KHDRBS2: variants seen among roughly 807,000 people sequenced by gnomAD.
KHDRBS2 encodes KH RNA binding domain containing, signal transduction associated 2, also known as KH domain-containing, RNA-binding, signal transduction-associated protein 2.
KHDRBS2 carries 26 observed loss-of-function variants against 44.3 expected under a neutral mutation model. The ratio of observed to expected loss-of-function variants is 0.59; its 90% CI spans 0.43 to 0.81. The LOEUF is 0.81. KHDRBS2 is among the 40% of genes least tolerant of loss of function. KHDRBS2 has a pLI of 0.00. For synonymous variants in KHDRBS2, 194 were observed against 151.1 expected, an observed-to-expected ratio of 1.28 and a Z score of -2.08; for missense variants, 476 against 433.1, an observed-to-expected ratio of 1.10 and a Z score of -0.88.
the KHDRBS2 span, among the ~76,000 whole-genome samples, chr6:61,595,389 C>T: frequency 0.54 from 82,630 of 151,814 alleles, 22,937 homozygotes; most frequent in Non-Finnish European, 0.61. Context: ...TTAGAAATTC[C>T]CTTTCCCTAA....
chr6:62,145,725 C>G (rs1584943123), intron 2 of KHDRBS2, among the ~76,000 whole-genome samples: 2 of 151,916 alleles, frequency 1.3e-5, no homozygotes, highest in East Asian at 3.9e-4. Context: ...ACAGATGGAG[C>G]ATCTGTGAAT....
chr6:61,548,161 A>T, the KHDRBS2 span, among the ~76,000 whole-genome samples: 1 of 152,172 alleles, frequency 6.6e-6, no homozygotes, highest in South Asian at 2.1e-4. Flanking sequence ...GGATTCTGAA[A>T]ATACATAGAA....
chr6:61,853,216 G>T (rs1795705582), intron 6 of KHDRBS2, among the ~76,000 whole-genome samples: 1 of 152,118 alleles, frequency 6.6e-6, no homozygotes, highest in African/African-American at 2.4e-5. Flanking sequence ...GTTTCAGTGA[G>T]TTTTTGCTTA....
chr6:61,865,297 A>C (rs1195757199), intron 6 of KHDRBS2, among the ~76,000 whole-genome samples: 1 of 152,182 alleles, frequency 6.6e-6, no homozygotes, highest in East Asian at 1.9e-4. Flanking sequence ...TCTGAAAAAG[A>C]TATACTAGAG....
At chr6:61,557,299 C>T in the KHDRBS2 span, among the ~76,000 whole-genome samples, 85 of 152,176 alleles carry the variant, frequency 5.6e-4, no homozygotes, top group Non-Finnish European at 1.1e-3. Context: ...AGTATAATAG[C>T]ATAAAGTTCC....
chr6:61,665,555 C>A, the KHDRBS2 span, among the ~76,000 whole-genome samples: 1 of 150,804 alleles, frequency 6.6e-6, no homozygotes, highest in Non-Finnish European at 1.5e-5. Context: ...ACTGTGTAAT[C>A]AATAAAATTA....
chr6:62,260,806 G>GT (rs554091482), intron 1 of KHDRBS2, among the ~76,000 whole-genome samples: 1 of 151,922 alleles, frequency 6.6e-6, no homozygotes, highest in South Asian at 2.1e-4. Context: ...CATTCCTGTT[G>GT]TTTTTAAGTA....
intron 2 of KHDRBS2, among the ~76,000 whole-genome samples, chr6:62,172,516 A>C (rs1319430337): frequency 6.6e-6 from 1 of 152,046 alleles, no homozygotes; most frequent in Non-Finnish European, 1.5e-5. Context: ...ACAGTACTAG[A>C]CAGATCATCG....
intron 2 of KHDRBS2, among the ~76,000 whole-genome samples, chr6:62,144,469 T>C (rs1813511948): frequency 6.6e-6 from 1 of 151,882 alleles, no homozygotes; most frequent in Non-Finnish European, 1.5e-5. Flanking sequence ...ACATTGACAG[T>C]AGCTCAATAA....
intron 1 of KHDRBS2, among the ~76,000 whole-genome samples, chr6:62,236,863 A>C (rs1383404664): frequency 3.9e-5 from 6 of 152,220 alleles, no homozygotes; most frequent in Non-Finnish European, 8.8e-5. Flanking sequence ...ATTAAAAAAT[A>C]ACTTATTGGT....
chr6:61,832,198 C>T (rs1370138987), intron 6 of KHDRBS2, among the ~76,000 whole-genome samples: 1 of 152,130 alleles, frequency 6.6e-6, no homozygotes, highest in Non-Finnish European at 1.5e-5. Context: ...TGGCCTACTG[C>T]ATTCCAGCCT....
chr6:62,166,908 C>A (rs2150115927), intron 2 of KHDRBS2, among the ~76,000 whole-genome samples: 1 of 152,036 alleles, frequency 6.6e-6, no homozygotes, highest in African/African-American at 2.4e-5. Flanking sequence ...CTGAGTTAAA[C>A]AAACAAACAA....
chr6:61,778,952 A>T (rs1562161080), intron 6 of KHDRBS2, among the ~76,000 whole-genome samples: 2 of 152,160 alleles, frequency 1.3e-5, no homozygotes, highest in African/African-American at 4.8e-5. Flanking sequence ...TAACTGGGAA[A>T]TGGGCATCAG....
intron 3 of KHDRBS2, among the ~76,000 whole-genome samples, chr6:62,001,271 A>G (rs1012906080): frequency 3.3e-5 from 5 of 152,166 alleles, no homozygotes; most frequent in African/African-American, 1.2e-4. Flanking sequence ...ACCATCAACT[A>G]TACAGAGTTT....
intron 6 of KHDRBS2, among the ~76,000 whole-genome samples, chr6:61,848,562 T>TATAC (rs1562295281): frequency 6.3e-5 from 2 of 31,590 alleles, no homozygotes; most frequent in Non-Finnish European, 1.2e-4. Flanking sequence ...CATATATATA[T>TATAC]GTATATATAT....
At chr6:62,169,731 C>T (rs1249100961) in intron 2 of KHDRBS2, among the ~76,000 whole-genome samples, 1 of 152,058 alleles carries the variant, frequency 6.6e-6, no homozygotes, top group African/African-American at 2.4e-5. Flanking sequence ...CATTACACCA[C>T]ACACTTCTAA....
rs10676797 is a variant in KHDRBS2 at position 61,905,854 on chromosome 6, C to CTTTTTTTT, written c.484-4491_484-4484dup. 3.2e-4 allele frequency among the ~76,000 whole-genome samples: 36 copies of CTTTTTTTT among 114,160 alleles called. 1 individual carries two copies. The highest frequency in any genetic ancestry group is 4.1e-4 in the African/African-American group (12 of 29,366). The allele number at this position is 114,160 out of a possible 152,430, so 74.9% of individuals were successfully genotyped here. A position where few individuals can be genotyped will look rare whatever the true frequency, so the allele number is the denominator to read the frequency against. On this transcript the variant is annotated intron_variant, in intron 4 of 8. Coordinates refer to ENST00000281156, the MANE Select transcript of KHDRBS2 (RefSeq NM_152688.4). ...AAAAAAAATATGGAACAAAACTTTT[C>CTTTTTTTT]TTTTTTTTTTTTTTTTTTTGAGATG...
At chr6:62,004,460 G>A (rs2127262304) in intron 3 of KHDRBS2, among the ~76,000 whole-genome samples, 1 of 152,128 alleles carries the variant, frequency 6.6e-6, no homozygotes, top group Non-Finnish European at 1.5e-5. Flanking sequence ...CCTAAACCAG[G>A]AAGACATTGA....
Position 62,286,005 on chromosome 6 carries a change from A to G in KHDRBS2, c.-57T>C. On this transcript the variant is annotated 5_prime_UTR_variant, in exon 1 of 9. Transcript: ENST00000281156. Reference sequence around the variant, plus strand: ...CGCGAGGTTCCGCTCGCTCGGACGCAGGCAGGGTCTTGGGGCAGCGCCTGG... The same window carrying G: ...CGCGAGGTTCCGCTCGCTCGGACGCGGGCAGGGTCTTGGGGCAGCGCCTGG... The G allele has an allele frequency of 9.0e-7, 1 of 1,109,234 alleles. No homozygotes were observed. Among genetic ancestry groups the G allele is most frequent in the Non-Finnish European group, 1.4e-6 (1 of 737,864 alleles). The allele number at this position is 1,109,234 out of a possible 1,614,324, so 68.7% of individuals were successfully genotyped here.
Sources: allele counts gnomAD v4.1 joint callset (sites outside exome capture counted in the v4.1 genomes callset), GRCh38; gene constraint gnomAD v4.1.1; transcripts MANE v1.5; gene names NCBI Gene and HGNC (gene_info 2026-07-23, HGNC 2026-07-21).